NEGR1: variants seen among roughly 807,000 people sequenced by gnomAD.
NEGR1 encodes neuronal growth regulator 1.
In NEGR1, 10 loss-of-function variants were observed where a neutral mutation model predicts 40.9. That is an observed-to-expected ratio of 0.24 (90% CI 0.15 to 0.42). The LOEUF is 0.42. NEGR1 is among the 10% of genes least tolerant of loss of function. The pLI, the probability that NEGR1 is intolerant of heterozygous loss-of-function variation, is 1.00. For synonymous variants in NEGR1, 185 were observed against 166.8 expected, an observed-to-expected ratio of 1.11 and a Z score of -0.84; for missense variants, 352 against 438.9, an observed-to-expected ratio of 0.80 and a Z score of 1.77.
chr1:72,071,253 C>G (rs1011464584), intron 1 of NEGR1, among the ~76,000 whole-genome samples: 1 of 151,382 alleles, frequency 6.6e-6, no homozygotes, highest in Non-Finnish European at 1.5e-5. Flanking sequence ...GAAATGAAAG[C>G]TAAATCAAAA....
intron 1 of NEGR1, among the ~76,000 whole-genome samples, chr1:72,156,379 A>C (rs1238405108): frequency 1.3e-5 from 2 of 152,134 alleles, no homozygotes; most frequent in African/African-American, 4.8e-5. Context: ...ATGTCTCAAA[A>C]TATGTCTTGA....
intron 2 of NEGR1, among the ~76,000 whole-genome samples, chr1:71,810,943 T>C (rs570671989): frequency 6.6e-6 from 1 of 152,348 alleles, no homozygotes; most frequent in South Asian, 2.1e-4. Flanking sequence ...AATGGACTAA[T>C]GGATCTGTTA....
At chr1:71,808,554 G>C (rs1164666747) in intron 2 of NEGR1, among the ~76,000 whole-genome samples, 1 of 152,094 alleles carries the variant, frequency 6.6e-6, no homozygotes, top group Admixed American at 6.6e-5. Flanking sequence ...CACACATGCA[G>C]CTCAAAAGAG....
rs1167127149 is a variant in NEGR1, at chr1:71,401,735, T to C, written c.*5711A>G. On this transcript the variant is annotated 3_prime_UTR_variant, in exon 7 of 7. Coordinates refer to ENST00000357731, the MANE Select transcript of NEGR1 (RefSeq NM_173808.3). Reference sequence around the variant, plus strand: ...CTGTTGATTGCAGATGTCTGAGGAATAGTCTTAGTGGATTATCCCAAACTT... The same window carrying C: ...CTGTTGATTGCAGATGTCTGAGGAACAGTCTTAGTGGATTATCCCAAACTT... 1 of 152,194 alleles carries C rather than the reference T, an allele frequency of 6.6e-6. No homozygotes were observed. Among genetic ancestry groups the C allele is most frequent in the African/African-American group, 2.4e-5 (1 of 41,472 alleles). The allele number at this position is 152,194 out of a possible 1,614,324, so 9.4% of individuals were successfully genotyped here.
At chr1:72,159,579 C>T (rs909962155) in intron 1 of NEGR1, among the ~76,000 whole-genome samples, 2 of 152,258 alleles carry the variant, frequency 1.3e-5, no homozygotes, top group African/African-American at 2.4e-5. Flanking sequence ...ACCTATTCTA[C>T]ACAAATTAAA....
intron 2 of NEGR1, among the ~76,000 whole-genome samples, chr1:71,853,745 A>C: frequency 6.6e-6 from 1 of 152,184 alleles, no homozygotes; most frequent in East Asian, 1.9e-4. Context: ...AGCAGCCATA[A>C]AGTTTTTGTT....
At chr1:71,771,648 G>A (rs185420317) in intron 3 of NEGR1, among the ~76,000 whole-genome samples, 40 of 126,188 alleles carry the variant, frequency 3.2e-4, no homozygotes, top group Non-Finnish European at 2.4e-4. Context: ...GTGGTGAGCC[G>A]AGATTGTGCC....
At chr1:72,022,295 A>G (rs1218772574) in intron 1 of NEGR1, among the ~76,000 whole-genome samples, 1 of 128,168 alleles carries the variant, frequency 7.8e-6, no homozygotes, top group Non-Finnish European at 1.6e-5. Context: ...ATATATATAT[A>G]TATATACACG....
chr1:71,653,758 G>A (rs1466929345), intron 4 of NEGR1, among the ~76,000 whole-genome samples: 3 of 10,912 alleles, frequency 2.7e-4, no homozygotes, highest in African/African-American at 3.3e-4. Flanking sequence ...ATGGCTTTAC[G>A]TGTGATTTTT....
At chr1:72,054,290 C>T (rs1205680554) in intron 1 of NEGR1, among the ~76,000 whole-genome samples, 1 of 151,286 alleles carries the variant, frequency 6.6e-6, no homozygotes, top group Non-Finnish European at 1.5e-5. Context: ...GCATTTGACT[C>T]TGTGCATTTT....
chr1:71,837,278 T>C (rs1163716956), intron 2 of NEGR1, among the ~76,000 whole-genome samples: 2 of 152,136 alleles, frequency 1.3e-5, no homozygotes, highest in African/African-American at 4.8e-5. Flanking sequence ...ATGTTACTTA[T>C]ATCATCCTCG....
At chr1:72,105,003 C>A (rs748658926) in intron 1 of NEGR1, among the ~76,000 whole-genome samples, 5 of 152,050 alleles carry the variant, frequency 3.3e-5, no homozygotes, top group Non-Finnish European at 5.9e-5. Context: ...CCATTCACAG[C>A]AGAAATGGCA....
intron 6 of NEGR1, among the ~76,000 whole-genome samples, chr1:71,511,365 T>C (rs1569968015): frequency 6.6e-6 from 1 of 152,158 alleles, no homozygotes; most frequent in African/African-American, 2.4e-5. Flanking sequence ...GTATGCAGGG[T>C]CTCCAAATCT....
Position 71,952,113 on chromosome 1 carries a change from G to C in NEGR1, c.177-16802C>G, listed in dbSNP as rs146633762. Among the ~76,000 whole-genome samples the C allele has an allele frequency of 4.9e-3, 748 of 151,976 alleles. 4 individuals are homozygous for C. The highest frequency in any genetic ancestry group is 0.02 in the Middle Eastern group (6 of 294). ...TACAGCGATCTCTAAATGTTCAAGT[G>C]AAAGGAAGAGCATCACATCTCTCAA... is the stretch of plus-strand genomic sequence containing the variant. On this transcript the variant is annotated intron_variant, in intron 1 of 6. Coordinates refer to ENST00000357731, the MANE Select transcript of NEGR1 (RefSeq NM_173808.3).
At chr1:71,789,634 T>C (rs2101733514) in intron 2 of NEGR1, among the ~76,000 whole-genome samples, 2 of 152,212 alleles carry the variant, frequency 1.3e-5, no homozygotes, top group African/African-American at 4.8e-5. Context: ...ATAAAAAATA[T>C]CATGTATTTT....
chr1:71,692,384 GA>G (rs1653316282), intron 4 of NEGR1, among the ~76,000 whole-genome samples: 1 of 151,428 alleles, frequency 6.6e-6, no homozygotes, highest in South Asian at 2.1e-4. Flanking sequence ...GCATAAAATG[GA>G]TCCAGAAATA....
chr1:71,940,321 A>G (rs1645947424), intron 1 of NEGR1, among the ~76,000 whole-genome samples: 1 of 152,202 alleles, frequency 6.6e-6, no homozygotes, highest in East Asian at 1.9e-4. Context: ...CACTTTAAAA[A>G]TCTGCTAGAC....
intron 6 of NEGR1, among the ~76,000 whole-genome samples, chr1:71,586,852 G>A (rs998692480): frequency 1.9e-4 from 29 of 152,078 alleles, no homozygotes; most frequent in African/African-American, 6.8e-4. Flanking sequence ...GGTAGAGAAC[G>A]ACTTGATAGG....
chr1:72,055,563 T>C (rs1482964631), intron 1 of NEGR1, among the ~76,000 whole-genome samples: 1 of 151,066 alleles, frequency 6.6e-6, no homozygotes, highest in Admixed American at 6.6e-5. Flanking sequence ...AGATTATTCC[T>C]TGATTTTAAC....
Sources: gnomAD v4.1 joint callset for allele counts (sites outside exome capture counted in the v4.1 genomes callset) on GRCh38, gnomAD v4.1.1 for gene constraint, MANE v1.5 for transcripts, NCBI Gene and HGNC (gene_info 2026-07-23, HGNC 2026-07-21) for gene names.